STC1: variants seen among roughly 807,000 people sequenced by gnomAD.
STC1 encodes stanniocalcin-1.
In STC1, 7 loss-of-function variants were observed where a neutral mutation model predicts 22.6. That is an observed-to-expected ratio of 0.31 (90% CI 0.18 to 0.58). The LOEUF is 0.58. Among genes scored for constraint, STC1 ranks in the 20% least tolerant of loss-of-function variants. The probability of loss-of-function intolerance (pLI) is 0.89; values close to 1 mark genes in which losing one functional copy is unlikely to be tolerated. For missense variants in STC1, 224 were observed against 311.0 expected (o/e 0.72, Z 2.10); for synonymous variants, 113 against 120.7 (o/e 0.94, Z 0.42).
chr8:23,853,919 G>T, intron 1 of STC1: 1 of 668,048 alleles, frequency 1.5e-6, no homozygotes, highest in Non-Finnish European at 1.9e-6. Flanking sequence ...TGAGGGCTAT[G>T]GTTCTGAAAA....
chr8:23,851,873 T>C (rs946072674), intron 2 of STC1, among the ~76,000 whole-genome samples: 1 of 152,148 alleles, frequency 6.6e-6, no homozygotes, highest in African/African-American at 2.4e-5. Flanking sequence ...GCTAGTATGC[T>C]AGGTCATGCA....
At position 23,843,390 on chromosome 8, in the gene STC1, C is replaced by G. The variant is rs757430544; in HGVS notation, c.*1380G>C. The G allele has an allele frequency of 6.6e-6, 1 of 152,028 alleles. No homozygotes were observed. The highest frequency in any genetic ancestry group is 1.5e-5 in the Non-Finnish European group (1 of 67,976). The allele number at this position is 152,028 out of a possible 1,614,324, so 9.4% of individuals were successfully genotyped here. ...CTTTGGCAGGCAGCGTGCTACAGGA[C>G]GAAAATGTAAGAGAAGTCTATTAAG... On this transcript the variant is annotated 3_prime_UTR_variant, in exon 4 of 4. Coordinates refer to ENST00000290271, the MANE Select transcript of STC1 (RefSeq NM_003155.3).
intron 1 of STC1, among the ~76,000 whole-genome samples, chr8:23,852,745 C>T (rs570528228): frequency 7.2e-5 from 11 of 152,072 alleles, no homozygotes; most frequent in Non-Finnish European, 1.5e-4. Flanking sequence ...CACTTGAAAG[C>T]ATGGGAAGGA....
At position 23,843,301 on chromosome 8, in the gene STC1, C is replaced by CT. The variant is rs904706548; in HGVS notation, c.*1468dup. On this transcript the variant is annotated 3_prime_UTR_variant, in exon 4 of 4. Transcript: ENST00000290271. ...ACCAGCTCTTTTTCCCTCTTTCTTTCTTTTTTTTTTCTTTTTTTCTATTTT... is the reference window on the plus strand; with the variant it reads ...ACCAGCTCTTTTTCCCTCTTTCTTTCTTTTTTTTTTTCTTTTTTTCTATTTT... 43 of 149,996 alleles carry CT rather than the reference C, an allele frequency of 2.9e-4. No individual in the cohort carries two copies. The highest frequency in any genetic ancestry group is 6.4e-4 in the South Asian group (3 of 4,690). The allele number at this position is 149,996 out of a possible 1,614,324, so 9.3% of individuals were successfully genotyped here.
At chr8:23,845,801 T>C (rs762311936) in intron 3 of STC1, among the ~76,000 whole-genome samples, 9 of 152,130 alleles carry the variant, frequency 5.9e-5, no homozygotes, top group Non-Finnish European at 1.0e-4. Context: ...TTTTTAAGGG[T>C]TCATGCTACT....
At chr8:23,849,461 G>A (rs542968177) in intron 3 of STC1, among the ~76,000 whole-genome samples, 1 of 152,206 alleles carries the variant, frequency 6.6e-6, no homozygotes, top group African/African-American at 2.4e-5. Flanking sequence ...GATGAAAGAG[G>A]GAGATAAGAA....
At chr8:23,849,810 GC>G (rs1802615790) in intron 3 of STC1, among the ~76,000 whole-genome samples, 1 of 151,602 alleles carries the variant, frequency 6.6e-6, no homozygotes, top group Admixed American at 6.6e-5. Context: ...TTTGTCCTTA[GC>G]CCCTGTCTGG....
At position 23,850,656 on chromosome 8, in the gene STC1, G is replaced by A. The variant is rs77260821; in HGVS notation, c.473+664C>T. 5.4e-3 allele frequency among the ~76,000 whole-genome samples: 824 copies of A among 152,274 alleles called. 4 individuals carry two copies. Among genetic ancestry groups the A allele is most frequent in the African/African-American group, 0.018 (763 of 41,544 alleles). On this transcript the variant is annotated intron_variant, in intron 3 of 3. Coordinates refer to ENST00000290271, the MANE Select transcript of STC1 (RefSeq NM_003155.3). ...TTGGGTGGTGTTTGAATACTAAGAT[G>A]AGAATGGGATCTGGACAGCCATAAA...
chr8:23,853,853 G>T (rs1802666685), intron 1 of STC1, among the ~76,000 whole-genome samples: 1 of 152,156 alleles, frequency 6.6e-6, no homozygotes, highest in African/African-American at 2.4e-5. Context: ...CAGGCAGCAG[G>T]GTTGGGGGTG....
chr8:23,847,719 G>A (rs1267110373), intron 3 of STC1, among the ~76,000 whole-genome samples: 1 of 152,226 alleles, frequency 6.6e-6, no homozygotes, highest in Admixed American at 6.5e-5. Flanking sequence ...GATTATTTAA[G>A]AGGTTGTGTC....
At chr8:23,848,005 C>T (rs549248202) in intron 3 of STC1, among the ~76,000 whole-genome samples, 1 of 152,334 alleles carries the variant, frequency 6.6e-6, no homozygotes, top group South Asian at 2.1e-4. Flanking sequence ...CTAAGCCCAA[C>T]TTAGTTATTC....
intron 3 of STC1, among the ~76,000 whole-genome samples, chr8:23,848,529 C>CAAAAAAA (rs796433655): frequency 7.9e-5 from 5 of 63,614 alleles, no homozygotes; most frequent in Non-Finnish European, 1.5e-4. Flanking sequence ...GATACTCTGT[C>CAAAAAAA]AAAAAAAAAA....
chr8:23,853,035 A>AAAAGAAAGAAAGAAAGAAAGAAAGAAAG (rs34552249), intron 1 of STC1, among the ~76,000 whole-genome samples: 56 of 150,824 alleles, frequency 3.7e-4, no homozygotes, highest in African/African-American at 1.2e-3. Flanking sequence ...AGCCTTTTAA[A>AAAAGAAAGAAAGAAAGAAAGAAAGAAAG]AAAGAAAGAA....
chr8:23,849,120 C>T (rs1182794155), intron 3 of STC1, among the ~76,000 whole-genome samples: 1 of 152,226 alleles, frequency 6.6e-6, no homozygotes, highest in African/African-American at 2.4e-5. Flanking sequence ...TTTGGATTCT[C>T]CCAGCCCCAA....
chr8:23,843,393 A>G lies in STC1; in HGVS notation c.*1377T>C, dbSNP rs560951594. 3 of 152,632 alleles carry G rather than the reference A, an allele frequency of 2.0e-5. No homozygotes were observed. The highest frequency in any genetic ancestry group is 2.1e-4 in the South Asian group (1 of 4,812). The allele number at this position is 152,632 out of a possible 1,614,324, so 9.5% of individuals were successfully genotyped here. On this transcript the variant is annotated 3_prime_UTR_variant, in exon 4 of 4. Transcript: ENST00000290271. ...TGGCAGGCAGCGTGCTACAGGACGA[A>G]AATGTAAGAGAAGTCTATTAAGGCT...
chr8:23,845,112 G>T, intron 3 of STC1, 72 bp from the exon 4 acceptor site: 2 of 1,531,970 alleles, frequency 1.3e-6, no homozygotes, highest in Non-Finnish European at 1.8e-6. Context: ...TTTCACCCGG[G>T]CTCTAGCCAA....
chr8:23,851,358 G>C lies in STC1; in HGVS notation c.435C>G (p.Ile145Met). The C allele has an allele frequency of 6.2e-7, 1 of 1,614,130 alleles. No individual in the cohort carries two copies. The highest frequency in any genetic ancestry group is 8.5e-7 in the Non-Finnish European group (1 of 1,180,042). Reference protein sequence around the residue: ...CSIAKRNPEAITEVVQLPNHF... With the variant: ...CSIAKRNPEAMTEVVQLPNHF... ...GATTGGGCAGCTGGACGACCTCAGTGATGGCTTCAGGGTTCCGCTTGGCGA... is the reference window on the plus strand; with the variant it reads ...GATTGGGCAGCTGGACGACCTCAGTCATGGCTTCAGGGTTCCGCTTGGCGA... Residue 145 changes from isoleucine (I) to methionine (M), a missense_variant, in exon 3 of 4, where the codon ATC (isoleucine) becomes ATG (methionine). Coordinates refer to ENST00000290271, the MANE Select transcript of STC1 (RefSeq NM_003155.3).
chr8:23,851,205 C>T, intron 3 of STC1, 115 bp downstream of exon 3: 1 of 1,010,350 alleles, frequency 9.9e-7, no homozygotes, highest in Non-Finnish European at 1.5e-6. Context: ...GGGAAGACTG[C>T]AAGCTAAAAT....
chr8:23,846,463 G>T (rs1802574783), intron 3 of STC1, among the ~76,000 whole-genome samples: 1 of 152,188 alleles, frequency 6.6e-6, no homozygotes, highest in Admixed American at 6.5e-5. Context: ...GGAGCCCAAG[G>T]ATCTCTGGGG....
Sources: gnomAD v4.1 joint callset for allele counts (sites outside exome capture counted in the v4.1 genomes callset) on GRCh38, gnomAD v4.1.1 for gene constraint, MANE v1.5 for transcripts, NCBI Gene and HGNC (gene_info 2026-07-23, HGNC 2026-07-21) for gene names.